SNX29: variants seen among roughly 807,000 people sequenced by gnomAD.
SNX29 encodes the protein sorting nexin 29.
A neutral mutation model predicts 102.1 loss-of-function variants in SNX29; 78 were observed. That is an observed-to-expected ratio of 0.76 (90% CI 0.64 to 0.92). The LOEUF (loss-of-function observed/expected upper bound fraction) is 0.92. SNX29 is among the 40% of genes least tolerant of loss of function. SNX29 has a pLI of 0.00. For synonymous variants in SNX29, 580 were observed against 414.5 expected, an observed-to-expected ratio of 1.40 and a Z score of -4.85; for missense variants, 1,280 against 1,061.7, an observed-to-expected ratio of 1.21 and a Z score of -2.86.
chr16:12,559,884 C>T (rs921791557), intron 20 of SNX29, among the ~76,000 whole-genome samples: 3 of 152,090 alleles, frequency 2.0e-5, no homozygotes, highest in Non-Finnish European at 2.9e-5. Flanking sequence ...GAGGCTGAGG[C>T]AGGAGAATGG....
chr16:12,146,359 A>G (rs867736914), intron 13 of SNX29, among the ~76,000 whole-genome samples: 18 of 151,838 alleles, frequency 1.2e-4, no homozygotes, highest in African/African-American at 3.6e-4. Flanking sequence ...CCCACCTTCC[A>G]GGTTCAAGTG....
intron 14 of SNX29, among the ~76,000 whole-genome samples, chr16:12,210,646 GTCT>G (rs2077158813): frequency 6.6e-6 from 1 of 152,068 alleles, no homozygotes; most frequent in South Asian, 2.1e-4. Flanking sequence ...CCCTGGGCTT[GTCT>G]TCTTTTTTCC....
At chr16:12,526,782 A>G (rs2076795525) in intron 20 of SNX29, 2 of 421,420 alleles carry the variant, frequency 4.7e-6, no homozygotes, top group African/African-American at 2.0e-5. Context: ...AGTGTCCCCC[A>G]CCCCCTGCGG....
intron 12 of SNX29, among the ~76,000 whole-genome samples, chr16:12,127,823 AG>A (rs2054284319): frequency 6.6e-6 from 1 of 152,190 alleles, no homozygotes; most frequent in Admixed American, 6.5e-5. Context: ...AGGGATACTT[AG>A]GGCAAGATGA....
chr16:12,443,085 G>A (rs1464976780), intron 18 of SNX29: 1 of 454,460 alleles, frequency 2.2e-6, no homozygotes. Context: ...AGAGGAGTGC[G>A]TCTGGAGGGA....
intron 13 of SNX29, among the ~76,000 whole-genome samples, chr16:12,162,196 G>A (rs1002348182): frequency 4.6e-5 from 7 of 152,246 alleles, no homozygotes; most frequent in Admixed American, 1.3e-4. Flanking sequence ...ATCTCAGCAC[G>A]GTCGGCTCCT....
chr16:12,312,419 T>C (rs2080587716), intron 15 of SNX29, among the ~76,000 whole-genome samples: 1 of 152,290 alleles, frequency 6.6e-6, no homozygotes, highest in Non-Finnish European at 1.5e-5. Context: ...CTCTGGGCCA[T>C]TGGTGAGAGT....
chr16:12,212,080 T>A (rs960124576), intron 14 of SNX29, among the ~76,000 whole-genome samples: 1 of 152,086 alleles, frequency 6.6e-6, no homozygotes, highest in Admixed American at 6.5e-5. Context: ...CTAGGGATAG[T>A]GTATGTTGCC....
intron 15 of SNX29, among the ~76,000 whole-genome samples, chr16:12,295,313 C>T (rs1272297700): frequency 1.3e-5 from 2 of 152,220 alleles, no homozygotes; most frequent in African/African-American, 4.8e-5. Flanking sequence ...CACCATGGGG[C>T]AGTGAAGCCA....
In SNX29 at chr16:12,267,904, C is replaced by A. The variant is rs143904489; in HGVS notation, c.1679-10029C>A. On this transcript the variant is annotated intron_variant, in intron 14 of 20. Transcript: ENST00000566228. ...ACCATAGCCTGCAAACCCTTACTGT[C>A]CCCTCTCTGGTCTCATTTCCTACCA... 3.0e-4 allele frequency among the ~76,000 whole-genome samples: 45 copies of A among 152,312 alleles called. No homozygotes were observed. In the East Asian group the frequency reaches 7.5e-3, roughly 25 times the overall value.
chr16:12,568,390 C>A, intron 20 of SNX29, 116 bp from the exon 21 acceptor site: 2 of 1,372,864 alleles, frequency 1.5e-6, no homozygotes, highest in Admixed American at 2.0e-5. Context: ...ATCCAATGAG[C>A]CAGTCACAGT....
chr16:12,457,032 C>G (rs1205102251), intron 18 of SNX29, among the ~76,000 whole-genome samples: 1 of 152,190 alleles, frequency 6.6e-6, no homozygotes, highest in Non-Finnish European at 1.5e-5. Context: ...CCACCCTCTT[C>G]TAGTGGGCAG....
At chr16:12,118,282 G>T (rs2053818877) in intron 11 of SNX29, among the ~76,000 whole-genome samples, 1 of 142,204 alleles carries the variant, frequency 7.0e-6, no homozygotes. Context: ...CCTTTTAAAA[G>T]AAGACTGTAG....
chr16:12,500,762 T>C (rs2089080618), intron 19 of SNX29, among the ~76,000 whole-genome samples: 2 of 152,238 alleles, frequency 1.3e-5, no homozygotes, highest in African/African-American at 4.8e-5. Flanking sequence ...AGAATCTGCA[T>C]GTTCACAGGC....
chr16:12,567,118 T>C (rs1313317810), intron 20 of SNX29, among the ~76,000 whole-genome samples: 1 of 152,268 alleles, frequency 6.6e-6, no homozygotes, highest in Non-Finnish European at 1.5e-5. Context: ...TGCAAGTCTC[T>C]TAACTCACAT....
At chr16:12,490,748 C>T (rs1275381014) in intron 19 of SNX29, among the ~76,000 whole-genome samples, 4 of 152,218 alleles carry the variant, frequency 2.6e-5, no homozygotes, top group African/African-American at 7.2e-5. Flanking sequence ...CACATTTTAT[C>T]ATATTTGCTT....
intron 3 of SNX29, among the ~76,000 whole-genome samples, chr16:12,013,655 T>G: frequency 6.7e-6 from 1 of 150,114 alleles, no homozygotes; most frequent in Admixed American, 6.7e-5. Flanking sequence ...ATTTATGTAT[T>G]TAATTTTGTG....
At chr16:12,554,333 C>T (rs369199671) in intron 20 of SNX29, among the ~76,000 whole-genome samples, 4 of 151,920 alleles carry the variant, frequency 2.6e-5, no homozygotes, top group South Asian at 2.1e-4. Context: ...GACCAGATGT[C>T]TTTTGTTCTG....
At chr16:12,290,181 C>T (rs2079745564) in intron 15 of SNX29, among the ~76,000 whole-genome samples, 1 of 152,114 alleles carries the variant, frequency 6.6e-6, no homozygotes, top group African/African-American at 2.4e-5. Flanking sequence ...GTAACATGTT[C>T]ACATGTTAAA....
Sources: gnomAD v4.1 joint callset for allele counts (sites outside exome capture counted in the v4.1 genomes callset) on GRCh38, gnomAD v4.1.1 for gene constraint, MANE v1.5 for transcripts, NCBI Gene and HGNC (gene_info 2026-07-23, HGNC 2026-07-21) for gene names.